Variants in DNAH3 observed in about 807,000 individuals in gnomAD.
The protein encoded by DNAH3 is axonemal beta dynein heavy chain 3.
DNAH3 carries 332 observed loss-of-function variants against 432.5 expected under a neutral mutation model. The ratio of observed to expected loss-of-function variants is 0.77; its 90% CI spans 0.70 to 0.84. The LOEUF is 0.84. DNAH3 is among the 40% of genes least tolerant of loss of function. The pLI, the probability that DNAH3 is intolerant of heterozygous loss-of-function variation, is 0.00. For missense variants in DNAH3, 4,861 were observed against 5,114.0 expected, an observed-to-expected ratio of 0.95 and a Z score of 1.51; for synonymous variants, 1,956 against 1,900.2, an observed-to-expected ratio of 1.03 and a Z score of -0.76.
chr16:20,956,744 G>C (rs1268935998), intron 54 of DNAH3, among the ~76,000 whole-genome samples: 2 of 151,984 alleles, frequency 1.3e-5, no homozygotes, highest in Non-Finnish European at 2.9e-5. Flanking sequence ...TTATGTTTGG[G>C]ACAGAGTCTC....
At chr16:21,056,983 T>G (rs563858161) in intron 27 of DNAH3, among the ~76,000 whole-genome samples, 1 of 152,342 alleles carries the variant, frequency 6.6e-6, no homozygotes, top group African/African-American at 2.4e-5. Flanking sequence ...TAATTTCAAT[T>G]TATACAGCAA....
At chr16:20,992,207 G>A (rs534646701) in intron 44 of DNAH3, among the ~76,000 whole-genome samples, 1 of 152,234 alleles carries the variant, frequency 6.6e-6, no homozygotes, top group African/African-American at 2.4e-5. Context: ...CATTGTTGAA[G>A]CTTAAATTTT....
chr16:21,111,629 G>A (rs759668869), exon 14 of DNAH3: 1 of 1,611,206 alleles, frequency 6.2e-7, no homozygotes. Context: ...ACAATACCTG[G>A]TATTGGTGTC....
chr16:21,119,379 C>T (rs560623943), intron 11 of DNAH3, among the ~76,000 whole-genome samples: 18 of 152,154 alleles, frequency 1.2e-4, no homozygotes, highest in African/African-American at 4.3e-4. Context: ...TACCTATAAT[C>T]CCCACACTTT....
intron 59 of DNAH3, among the ~76,000 whole-genome samples, chr16:20,937,529 CTTTTTTTTTTTT>C (rs71377696): frequency 8.2e-6 from 1 of 121,342 alleles, no homozygotes; most frequent in East Asian, 2.3e-4. Flanking sequence ...CAAAGTTGTT[CTTTTTTTTTTTT>C]TTTTTTTGAG....
At chr16:20,985,434 C>A in exon 48 of DNAH3, 1 of 1,614,198 alleles carries the variant, frequency 6.2e-7, no homozygotes, top group Non-Finnish European at 8.5e-7. Flanking sequence ...GCCCGCTGCC[C>A]CCTATGCCCA....
intron 44 of DNAH3, among the ~76,000 whole-genome samples, chr16:20,990,323 A>G (rs909081605): frequency 1.3e-5 from 2 of 152,218 alleles, no homozygotes; most frequent in African/African-American, 4.8e-5. Flanking sequence ...AGATCTATGT[A>G]TCTGTCTAAT....
exon 53 of DNAH3, chr16:20,963,506 G>A: frequency 6.2e-7 from 1 of 1,614,092 alleles, no homozygotes; most frequent in Non-Finnish European, 8.5e-7. Flanking sequence ...GACCCAGGGA[G>A]TTGCTCCTCA....
At chr16:21,068,229 C>T (rs1597297311) in intron 23 of DNAH3, among the ~76,000 whole-genome samples, 1 of 151,468 alleles carries the variant, frequency 6.6e-6, no homozygotes, top group Non-Finnish European at 1.5e-5. Context: ...GGCTTGATCC[C>T]AACGTTCCTG....
chr16:20,951,089 C>T (rs1296159988), intron 56 of DNAH3, among the ~76,000 whole-genome samples: 4 of 152,148 alleles, frequency 2.6e-5, no homozygotes, highest in African/African-American at 9.7e-5. Context: ...GCTGGGATTA[C>T]AGACATGACC....
At chr16:21,098,864 A>T in intron 16 of DNAH3, 95 bp from the exon 17 acceptor site, 1 of 1,304,692 alleles carries the variant, frequency 7.7e-7, no homozygotes, top group South Asian at 1.5e-5. Context: ...CCTGCAGACA[A>T]TTTGATCAGT....
rs768616385 is a variant in DNAH3, at chr16:21,097,506, G to C, written c.2521-7C>G. The C allele has an allele frequency of 1.1e-5, 18 of 1,612,280 alleles. No individual in the cohort carries two copies. Among genetic ancestry groups the C allele is most frequent in the Non-Finnish European group, 1.5e-5 (18 of 1,179,874 alleles). ...CTTCCTCCTTATTGATCAACTGCAGGGCAAAAGGAGATGCTGTTTATGGGA... is the reference window on the plus strand; with the variant it reads ...CTTCCTCCTTATTGATCAACTGCAGCGCAAAAGGAGATGCTGTTTATGGGA... On this transcript the variant is annotated splice_polypyrimidine_tract_variant and splice_region_variant and intron_variant, in intron 17 of 61. Transcript: ENST00000261383.
chr16:21,152,471 C>T (rs570714150), intron 1 of DNAH3, among the ~76,000 whole-genome samples: 1 of 152,370 alleles, frequency 6.6e-6, no homozygotes, highest in East Asian at 1.9e-4. Flanking sequence ...TCGGCGCCTC[C>T]TCTGCCTGGG....
intron 5 of DNAH3, among the ~76,000 whole-genome samples, chr16:21,138,564 AC>A (rs1319206881): frequency 6.6e-6 from 1 of 152,090 alleles, no homozygotes; most frequent in Non-Finnish European, 1.5e-5. Context: ...TAATCCCAGC[AC>A]TTTAGGAGGC....
At chr16:20,959,670 G>A (rs940705438) in intron 53 of DNAH3, among the ~76,000 whole-genome samples, 1 of 150,272 alleles carries the variant, frequency 6.7e-6, no homozygotes, top group African/African-American at 2.5e-5. Context: ...AACACAAAAG[G>A]TGGGGTTCAC....
At chr16:21,073,025 C>CT (rs1368498998) in intron 21 of DNAH3, among the ~76,000 whole-genome samples, 2 of 151,938 alleles carry the variant, frequency 1.3e-5, no homozygotes, top group African/African-American at 4.8e-5. Flanking sequence ...TAAGGTGTGC[C>CT]TTAAAGGCCA....
intron 41 of DNAH3, among the ~76,000 whole-genome samples, chr16:21,013,987 G>A (rs2087741590): frequency 6.6e-6 from 1 of 152,108 alleles, no homozygotes; most frequent in Non-Finnish European, 1.5e-5. Flanking sequence ...TGGGTTCACT[G>A]GTGAATTCTA....
chr16:21,037,984 G>C lies in DNAH3; in HGVS notation c.4731-4C>G. The C allele has an allele frequency of 2.5e-6, 4 of 1,613,558 alleles. No individual in the cohort carries two copies. Among genetic ancestry groups the C allele is most frequent in the Non-Finnish European group, 3.4e-6 (4 of 1,179,710 alleles). ...CGCAACGATCTTCTGGGCGAGACTA[G>C]AAGGGCAAAGACATGTATGCGGACA... On this transcript the variant is annotated splice_region_variant and splice_polypyrimidine_tract_variant and intron_variant, in intron 33 of 61. Coordinates refer to ENST00000261383, the Ensembl canonical transcript of DNAH3.
At chr16:21,116,356 C>T (rs1183263047) in intron 12 of DNAH3, among the ~76,000 whole-genome samples, 7 of 151,996 alleles carry the variant, frequency 4.6e-5, no homozygotes, top group Non-Finnish European at 8.8e-5. Flanking sequence ...CGGTTACCCT[C>T]ATGCTGTTCT....
Sources: gnomAD v4.1 joint callset for allele counts (sites outside exome capture counted in the v4.1 genomes callset) on GRCh38, gnomAD v4.1.1 for gene constraint, MANE v1.5 for transcripts, NCBI Gene and HGNC (gene_info 2026-07-23, HGNC 2026-07-21) for gene names.